GRM7: variants seen among roughly 807,000 people sequenced by gnomAD.
GRM7 encodes the protein metabotropic glutamate receptor 7.
A neutral mutation model predicts 84.5 loss-of-function variants in GRM7; 35 were observed. That is an observed-to-expected ratio of 0.41 (90% CI 0.32 to 0.55). GRM7 has a LOEUF of 0.55. GRM7 is among the 20% of genes least tolerant of loss of function. The probability of loss-of-function intolerance (pLI) is 0.19; values close to 1 mark genes in which losing one functional copy is unlikely to be tolerated. For synonymous variants in GRM7, 487 were observed against 455.1 expected (o/e 1.07, Z -0.89); for missense variants, 1,003 against 1,194.6 (o/e 0.84, Z 2.36).
chr3:7,730,218 G>A (rs1321530624), intron 9 of GRM7, among the ~76,000 whole-genome samples: 1 of 152,050 alleles, frequency 6.6e-6, no homozygotes. Context: ...ATGTTGGCCA[G>A]GATGGTCTCA....
At chr3:7,197,636 G>T (rs1399811354) in intron 2 of GRM7, among the ~76,000 whole-genome samples, 6 of 151,468 alleles carry the variant, frequency 4.0e-5, no homozygotes, top group Non-Finnish European at 8.8e-5. Flanking sequence ...GTGTTTTAGA[G>T]AGCTCAATTA....
intron 4 of GRM7, among the ~76,000 whole-genome samples, chr3:7,370,760 C>T (rs2125117141): frequency 6.6e-6 from 1 of 152,272 alleles, no homozygotes; most frequent in Middle Eastern, 3.4e-3. Context: ...TCGTGTACAT[C>T]AGTGTCAGGG....
At chr3:7,398,651 A>G (rs1559294080) in intron 4 of GRM7, among the ~76,000 whole-genome samples, 1 of 152,120 alleles carries the variant, frequency 6.6e-6, no homozygotes, top group Non-Finnish European at 1.5e-5. Context: ...ATATGCATAT[A>G]TACACACACA....
At position 7,393,990 on chromosome 3, in the gene GRM7, C is replaced by A. The variant is rs140194874; in HGVS notation, c.1034-21033C>A. On this transcript the variant is annotated intron_variant, in intron 4 of 9. Coordinates refer to ENST00000357716, the MANE Select transcript of GRM7 (RefSeq NM_000844.4). ...CCTTAGGCACTCTGTATGTATTTTA[C>A]CTATGTCATCTTTTATAATCTTTAC... 8.2e-4 allele frequency among the ~76,000 whole-genome samples: 125 copies of A among 152,204 alleles called. 1 individual carries two copies. Among genetic ancestry groups the A allele is most frequent in the African/African-American group, 2.9e-3 (121 of 41,540 alleles).
At chr3:7,281,387 G>C (rs952614705) in intron 2 of GRM7, among the ~76,000 whole-genome samples, 12 of 152,022 alleles carry the variant, frequency 7.9e-5, no homozygotes, top group African/African-American at 2.7e-4. Context: ...TTATTAGTGA[G>C]GGAGATTGTG....
At chr3:7,685,182 C>G (rs1398643449) in intron 9 of GRM7, among the ~76,000 whole-genome samples, 1 of 152,164 alleles carries the variant, frequency 6.6e-6, no homozygotes, top group Admixed American at 6.6e-5. Context: ...AACTAAGAGG[C>G]AGCATGGCTT....
intron 1 of GRM7, among the ~76,000 whole-genome samples, chr3:7,116,328 A>G (rs1227061554): frequency 6.6e-6 from 1 of 152,154 alleles, no homozygotes; most frequent in Non-Finnish European, 1.5e-5. Flanking sequence ...ATCCAAGTTC[A>G]TTATTTCCAA....
intron 1 of GRM7, among the ~76,000 whole-genome samples, chr3:7,009,616 A>T (rs912102055): frequency 6.6e-6 from 1 of 152,144 alleles, no homozygotes; most frequent in African/African-American, 2.4e-5. Context: ...AACAAACATA[A>T]TGGATTTGGA....
intron 4 of GRM7, among the ~76,000 whole-genome samples, chr3:7,383,524 A>G (rs1217956395): frequency 1.3e-5 from 2 of 152,226 alleles, no homozygotes; most frequent in African/African-American, 4.8e-5. Flanking sequence ...TTATATACAT[A>G]CTTCTCTATT....
intron 1 of GRM7, among the ~76,000 whole-genome samples, chr3:7,099,183 C>T (rs1698962854): frequency 1.4e-5 from 2 of 146,502 alleles, no homozygotes; most frequent in African/African-American, 5.1e-5. Context: ...GGTTTAATTG[C>T]ATATATATAT....
intron 1 of GRM7, among the ~76,000 whole-genome samples, chr3:6,984,846 T>C (rs1410853680): frequency 1.3e-5 from 2 of 152,184 alleles, no homozygotes; most frequent in Non-Finnish European, 2.9e-5. Flanking sequence ...TAAAGCTTTT[T>C]CCCATTGGAA....
intron 7 of GRM7, among the ~76,000 whole-genome samples, chr3:7,561,194 C>T (rs945399636): frequency 4.6e-5 from 7 of 152,076 alleles, no homozygotes; most frequent in East Asian, 3.9e-4. Context: ...TTTCTGAATG[C>T]GTTTTTGCCA....
At chr3:7,552,313 C>A (rs115714664) in intron 7 of GRM7, among the ~76,000 whole-genome samples, 1 of 152,168 alleles carries the variant, frequency 6.6e-6, no homozygotes, top group Non-Finnish European at 1.5e-5. Flanking sequence ...TTGCTTTCAT[C>A]GGCTGGTGTT....
At chr3:7,081,045 T>G (rs1698259440) in intron 1 of GRM7, among the ~76,000 whole-genome samples, 1 of 152,096 alleles carries the variant, frequency 6.6e-6, no homozygotes, top group African/African-American at 2.4e-5. Flanking sequence ...TAAGTTACTT[T>G]GTGTAGCTTC....
chr3:6,933,299 T>C (rs1044322287), intron 1 of GRM7, among the ~76,000 whole-genome samples: 2 of 152,150 alleles, frequency 1.3e-5, no homozygotes, highest in Admixed American at 1.3e-4. Flanking sequence ...TCTCCTTGAC[T>C]CAATCATGTT....
intron 4 of GRM7, among the ~76,000 whole-genome samples, chr3:7,322,152 G>T (rs1015932601): frequency 6.6e-6 from 1 of 152,022 alleles, no homozygotes. Flanking sequence ...TCCATAAAAT[G>T]TTAATGATGA....
chr3:7,536,557 C>G (rs1345983575), intron 7 of GRM7, among the ~76,000 whole-genome samples: 4 of 152,184 alleles, frequency 2.6e-5, no homozygotes, highest in African/African-American at 9.7e-5. Context: ...GTGCAACCAA[C>G]AGAATATGGC....
chr3:7,660,207 C>T (rs1020274778), intron 8 of GRM7, among the ~76,000 whole-genome samples: 13 of 152,084 alleles, frequency 8.5e-5, no homozygotes, highest in East Asian at 3.9e-4. Flanking sequence ...TGGCAGTCAC[C>T]GCTTTAACCA....
At chr3:7,566,120 T>TTG (rs1694255439) in intron 7 of GRM7, among the ~76,000 whole-genome samples, 1 of 30,796 alleles carries the variant, frequency 3.2e-5, no homozygotes, top group African/African-American at 8.0e-5. Flanking sequence ...TTTTTTTTTT[T>TTG]TTTTTTTTTT....
Sources: gnomAD v4.1 joint callset for allele counts (sites outside exome capture counted in the v4.1 genomes callset) on GRCh38, gnomAD v4.1.1 for gene constraint, MANE v1.5 for transcripts, NCBI Gene and HGNC (gene_info 2026-07-23, HGNC 2026-07-21) for gene names.